Variants in CNBD1 observed in about 807,000 individuals in gnomAD.
CNBD1 encodes the protein cyclic nucleotide binding domain containing 1, also known as cyclic nucleotide-binding domain-containing protein 1.
Under a neutral mutation model 54.4 loss-of-function variants are expected in CNBD1, and 71 were observed. That is an observed-to-expected ratio of 1.30 (90% CI 1.08 to 1.59). The LOEUF is 1.59. Among genes scored for constraint, CNBD1 ranks in the 40% most tolerant of loss-of-function variants. The pLI is 0.00. For synonymous variants in CNBD1, 182 were observed against 170.7 expected (o/e 1.07, Z -0.51); for missense variants, 659 against 518.0 (o/e 1.27, Z -2.64).
chr8:87,088,278 C>G (rs537674864), intron 4 of CNBD1, among the ~76,000 whole-genome samples: 1 of 152,240 alleles, frequency 6.6e-6, no homozygotes, highest in East Asian at 1.9e-4. Context: ...GTTGTTGTAA[C>G]TCAATTGGAC....
At chr8:87,204,608 CAG>C (rs1813930310) in intron 4 of CNBD1, among the ~76,000 whole-genome samples, 2 of 152,064 alleles carry the variant, frequency 1.3e-5, no homozygotes, top group South Asian at 4.1e-4. Flanking sequence ...GCAAACAAAA[CAG>C]AATAACTTTC....
chr8:87,146,327 C>T (rs1421454656), intron 4 of CNBD1, among the ~76,000 whole-genome samples: 1 of 152,038 alleles, frequency 6.6e-6, no homozygotes, highest in Non-Finnish European at 1.5e-5. Context: ...ACTGGTAACC[C>T]AGTTACATAT....
Position 87,013,601 on chromosome 8 carries a change from G to GT in CNBD1, c.431+73856dup, listed in dbSNP as rs201656176. Among the ~76,000 whole-genome samples, 37 of 145,832 alleles carry GT rather than the reference G, an allele frequency of 2.5e-4. No homozygotes were observed. In the East Asian group the frequency reaches 3.3e-3, roughly 13 times the overall value. On this transcript the variant is annotated intron_variant, in intron 4 of 10. Transcript: ENST00000518476. ...TAATAACCGCTGTTTGGATCTAACAGTTTTTTTTTCTTTGTTTTGTTTTGT... is the reference window on the plus strand; with the variant it reads ...TAATAACCGCTGTTTGGATCTAACAGTTTTTTTTTTCTTTGTTTTGTTTTGT...
chr8:87,326,946 T>A (rs1447776430), intron 8 of CNBD1, among the ~76,000 whole-genome samples: 5 of 116,628 alleles, frequency 4.3e-5, no homozygotes, highest in African/African-American at 1.6e-4. Flanking sequence ...TATCTACTTT[T>A]GGTCTTTGAT....
chr8:87,327,446 A>C lies in CNBD1; in HGVS notation c.1043-24239A>C, dbSNP rs185313576. Among the ~76,000 whole-genome samples, 388 of 152,276 alleles carry C rather than the reference A, an allele frequency of 2.5e-3. 4 individuals are homozygous for C. The highest frequency in any genetic ancestry group is 8.5e-3 in the African/African-American group (352 of 41,558). On this transcript the variant is annotated intron_variant, in intron 8 of 10. Transcript: ENST00000518476. ...TTTGATCTCAGACTGCTGTGCTAGC[A>C]ATCAGCGAGATTCCGTGGGCGTAGG...
intron 4 of CNBD1, among the ~76,000 whole-genome samples, chr8:87,051,708 C>T (rs1361824092): frequency 1.3e-5 from 2 of 152,162 alleles, no homozygotes; most frequent in African/African-American, 4.8e-5. Context: ...TTTAAGAACG[C>T]CTTTAAGTGG....
At chr8:86,946,770 T>C (rs1266731647) in intron 4 of CNBD1, among the ~76,000 whole-genome samples, 3 of 152,152 alleles carry the variant, frequency 2.0e-5, no homozygotes, top group Admixed American at 6.6e-5. Context: ...TCTGTTGAAC[T>C]ATCACAAAAA....
chr8:87,327,091 G>T (rs1198466753), intron 8 of CNBD1, among the ~76,000 whole-genome samples: 51 of 148,144 alleles, frequency 3.4e-4, no homozygotes, highest in Middle Eastern at 3.5e-3. Context: ...CCCCTGCTGG[G>T]GGGTGCCTCC....
intron 4 of CNBD1, among the ~76,000 whole-genome samples, chr8:87,006,333 T>G (rs1189145501): frequency 6.6e-6 from 1 of 152,136 alleles, no homozygotes; most frequent in Non-Finnish European, 1.5e-5. Flanking sequence ...CTTGCCCCAA[T>G]TTCCTATAAT....
intron 1 of CNBD1, among the ~76,000 whole-genome samples, chr8:86,881,448 A>C (rs1256290621): frequency 1.2e-4 from 18 of 152,206 alleles, no homozygotes. Context: ...ATACCTAGGA[A>C]TACAGCTAAC....
chr8:87,391,276 G>T (rs56064228), intron 2 of CNBD1, among the ~76,000 whole-genome samples: 1 of 151,596 alleles, frequency 6.6e-6, no homozygotes, highest in Non-Finnish European at 1.5e-5. Flanking sequence ...AAAAGATAAC[G>T]ATTGCAGATA....
At chr8:87,391,978 T>C (rs1811318532) in intron 2 of CNBD1, among the ~76,000 whole-genome samples, 1 of 151,930 alleles carries the variant, frequency 6.6e-6, no homozygotes, top group Admixed American at 6.6e-5. Flanking sequence ...GAACCACAAC[T>C]GTGTAATTAA....
intron 10 of CNBD1, among the ~76,000 whole-genome samples, chr8:87,372,027 A>G (rs1810818363): frequency 6.6e-6 from 1 of 152,002 alleles, no homozygotes; most frequent in South Asian, 2.1e-4. Flanking sequence ...GTATTCAATT[A>G]GGAAAAGAGG....
chr8:87,027,392 C>T (rs1809672562), intron 4 of CNBD1, among the ~76,000 whole-genome samples: 1 of 152,164 alleles, frequency 6.6e-6, no homozygotes, highest in Admixed American at 6.5e-5. Flanking sequence ...CTGCCTCAGC[C>T]TCCTGAGTAG....
At chr8:87,354,603 G>T (rs967874835) in intron 10 of CNBD1, among the ~76,000 whole-genome samples, 2 of 148,112 alleles carry the variant, frequency 1.4e-5, no homozygotes, top group Admixed American at 1.4e-4. Context: ...TCCCCTTCCT[G>T]TGTCCATGTG....
intron 4 of CNBD1, among the ~76,000 whole-genome samples, chr8:87,038,176 T>C (rs959909893): frequency 5.3e-5 from 8 of 152,184 alleles, no homozygotes; most frequent in African/African-American, 1.7e-4. Flanking sequence ...GAGGTAGCCA[T>C]GTTGATATGT....
At chr8:86,867,069 C>CT (rs1385663936) in intron 1 of CNBD1, among the ~76,000 whole-genome samples, 1 of 152,012 alleles carries the variant, frequency 6.6e-6, no homozygotes, top group African/African-American at 2.4e-5. Context: ...TCCTATTTAA[C>CT]TTTTTTATTT....
chr8:87,011,359 A>C (rs1210636562), intron 4 of CNBD1, among the ~76,000 whole-genome samples: 1 of 152,062 alleles, frequency 6.6e-6, no homozygotes. Flanking sequence ...GGCAAAGACC[A>C]TTTGGGTTGC....
chr8:86,993,861 A>C (rs191240557), intron 4 of CNBD1, among the ~76,000 whole-genome samples: 81 of 152,330 alleles, frequency 5.3e-4, no homozygotes, highest in African/African-American at 1.8e-3. Flanking sequence ...TGGTGGAGGA[A>C]GAGAGAGATG....
Sources: allele counts gnomAD v4.1 joint callset (sites outside exome capture counted in the v4.1 genomes callset), GRCh38; gene constraint gnomAD v4.1.1; transcripts MANE v1.5; gene names NCBI Gene and HGNC (gene_info 2026-07-23, HGNC 2026-07-21).